C21orf58: variants seen among roughly 807,000 people sequenced by gnomAD.
C21orf58 encodes the protein chromosome 21 open reading frame 58.
In C21orf58, 34 loss-of-function variants were observed where a neutral mutation model predicts 35.8. That is an observed-to-expected ratio of 0.95 (90% confidence interval 0.72 to 1.26). The LOEUF is 1.26. Among genes scored for constraint, C21orf58 ranks in the 50% most tolerant of loss-of-function variants. The pLI, the probability that C21orf58 is intolerant of heterozygous loss-of-function variation, is 0.00. For missense variants in C21orf58, 440 were observed against 414.3 expected (o/e 1.06, Z -0.54); for synonymous variants, 191 against 175.8 (o/e 1.09, Z -0.68).
intron 5 of C21orf58, chr21:46,312,924 CT>C (rs2082805238): frequency 1.1e-6 from 1 of 889,204 alleles, no homozygotes; most frequent in Non-Finnish European, 1.3e-6. Context: ...TGAAAATGAA[CT>C]TTGGTTTCTC....
In C21orf58 at chr21:46,301,992, C is replaced by G; in HGVS notation, c.*7G>C. 6.6e-7 allele frequency: 1 copy of G among 1,522,716 alleles called. No homozygotes were observed. The allele number at this position is 1,522,716 out of a possible 1,614,324, so 94.3% of individuals were successfully genotyped here. ...GGTGCCCCGGCCAGGGTCTCTGTGA[C>G]TCACACTCAGGGTGGGCCAGGCGTC... On this transcript the variant is annotated 3_prime_UTR_variant, in exon 8 of 8. Coordinates refer to ENST00000291691, the MANE Select transcript of C21orf58 (RefSeq NM_058180.5).
intron 5 of C21orf58, 67 bp from the exon 6 acceptor site, chr21:46,311,634 CCCAT>C: frequency 3.4e-6 from 3 of 878,830 alleles, no homozygotes; most frequent in South Asian, 1.9e-5. Flanking sequence ...GTATCTACCA[CCCAT>C]CCATCCACCC....
chr21:46,317,302 G>T (rs766042567), intron 2 of C21orf58, 34 bp from the exon 3 acceptor site: 28 of 1,603,862 alleles, frequency 1.7e-5, no homozygotes, highest in Middle Eastern at 3.3e-4. Flanking sequence ...AGAGACGGTG[G>T]CTCCACGCAA....
chr21:46,302,184 G>T, intron 7 of C21orf58, 30 bp from the exon 8 acceptor site: 1 of 1,444,322 alleles, frequency 6.9e-7, no homozygotes, highest in Non-Finnish European at 9.1e-7. Flanking sequence ...TGCTTAGGAC[G>T]CAGCCCAGGC....
rs190655683 is a variant in C21orf58, at chr21:46,301,643, G to A, written c.*356C>T. On this transcript the variant is annotated 3_prime_UTR_variant, in exon 8 of 8. Transcript: ENST00000291691. The stretch of plus-strand genomic sequence containing the variant: ...ATCTTTATTTCATCAGGCTGGTGGC[G>A]TCCACGGCCTCAACTTTACCTCCGT... 491 of 1,084,258 alleles carry A rather than the reference G, an allele frequency of 4.5e-4. 1 individual carries two copies. The highest frequency in any genetic ancestry group is 9.7e-4 in the East Asian group (17 of 17,444). 67.2% of individuals were successfully genotyped at this position (1,084,258 alleles called of 1,614,324 possible).
chr21:46,311,652 C>T (rs2082696346), intron 5 of C21orf58, 85 bp from the exon 6 acceptor site: 8 of 709,084 alleles, frequency 1.1e-5, no homozygotes, highest in Non-Finnish European at 1.8e-5. Context: ...TCCACCCACC[C>T]ATCCAACCAA....
chr21:46,322,005 G>A (rs1425464839), intron 1 of C21orf58, among the ~76,000 whole-genome samples: 1 of 145,770 alleles, frequency 6.9e-6, no homozygotes, highest in African/African-American at 2.5e-5. Context: ...AAAATGAATT[G>A]AGGCTGGGCG....
intron 6 of C21orf58, among the ~76,000 whole-genome samples, chr21:46,310,482 C>CAAAAAA (rs1569126386): frequency 7.9e-6 from 1 of 126,746 alleles, no homozygotes; most frequent in African/African-American, 3.8e-5. Context: ...TGTCTCAGAA[C>CAAAAAA]AAAAAAAATA....
At chr21:46,318,921 C>G (rs1040663738) in intron 1 of C21orf58, 1 of 924,318 alleles carries the variant, frequency 1.1e-6, no homozygotes, top group African/African-American at 1.8e-5. Flanking sequence ...CACTAGCAGG[C>G]AGACTGACAT....
At chr21:46,315,927 G>A (rs754981883) in intron 3 of C21orf58, among the ~76,000 whole-genome samples, 2 of 152,164 alleles carry the variant, frequency 1.3e-5, no homozygotes, top group Non-Finnish European at 2.9e-5. Context: ...GCCACCTGGA[G>A]CCACCCTCTG....
chr21:46,318,524 C>A, intron 1 of C21orf58: 1 of 1,280,754 alleles, frequency 7.8e-7, no homozygotes. Context: ...AGGACCCAGT[C>A]CAGAAGAACC....
chr21:46,302,576 T>G lies in C21orf58; in HGVS notation c.722A>C (p.Asp241Ala). 1 of 1,610,320 alleles carries G rather than the reference T, an allele frequency of 6.2e-7. No homozygotes were observed. The highest frequency in any genetic ancestry group is 8.5e-7 in the Non-Finnish European group (1 of 1,178,188). The change falls in exon 7 of 8, where the codon GAC becomes GCC. Residue 241 changes from aspartate (D) to alanine (A), a missense_variant and splice_region_variant. Physicochemically the swap from Asp to Ala is moderately radical, Grantham distance 126. Transcript: ENST00000291691. ...CTGCAGCAGCAGCAGCTCCACCATG[T>G]CTGCAGGGAAGAAGCAGGGGGACCC... ...PTQRSGSIKE[D>A]MVELLLLQNA...
chr21:46,317,141 G>A, intron 3 of C21orf58, 67 bp downstream of exon 3: 1 of 1,439,102 alleles, frequency 6.9e-7, no homozygotes, highest in Non-Finnish European at 9.6e-7. Flanking sequence ...CCCTGGAGGT[G>A]GCTCCCCCTG....
rs781307363 is a variant in C21orf58, at chr21:46,322,750, C to T, written c.-12G>A. 4 of 1,465,398 alleles carry T rather than the reference C, an allele frequency of 2.7e-6. No homozygotes were observed. The East Asian group carries it at 7.8e-5, about 28-fold the overall frequency. The allele number at this position is 1,465,398 out of a possible 1,614,324, so 90.8% of individuals were successfully genotyped here. A position where few individuals can be genotyped will look rare whatever the true frequency, so the allele number is the denominator to read the frequency against. On this transcript the variant is annotated 5_prime_UTR_variant, in exon 1 of 8. Transcript: ENST00000291691. ...CGAGATCGCGCCATTGCGCTATAGC[C>T]TGGGCGTCGCAGCGAGACTGTCTCA...
At chr21:46,305,009 A>G (rs565229807) in intron 6 of C21orf58, among the ~76,000 whole-genome samples, 3 of 152,266 alleles carry the variant, frequency 2.0e-5, no homozygotes, top group South Asian at 4.2e-4. Context: ...AGTCAGACTC[A>G]TAGAAACAGA....
intron 3 of C21orf58, 128 bp from the exon 4 acceptor site, chr21:46,315,675 C>G (rs1475598964): frequency 1.5e-6 from 1 of 684,586 alleles, no homozygotes; most frequent in Non-Finnish European, 2.7e-6. Flanking sequence ...ATGGGGGAGG[C>G]CTGGGAGGAT....
At position 46,313,056 on chromosome 21, in the gene C21orf58, G is replaced by A. The variant is rs74949149; in HGVS notation, c.610-1489C>T. ...TTCTTCCTCAGTTCACAGAAAGGAC[G>A]GCAGAGACCAAGAGTTGGCAAACTT... On this transcript the variant is annotated intron_variant, in intron 5 of 7. Transcript: ENST00000291691. 7.5e-5 allele frequency: 74 copies of A among 985,420 alleles called. 1 individual carries two copies. The East Asian group carries it at 6.5e-3, about 86-fold the overall frequency. 61.0% of individuals were successfully genotyped at this position (985,420 alleles called of 1,614,324 possible). A position where few individuals can be genotyped will look rare whatever the true frequency, so the allele number is the denominator to read the frequency against.
intron 6 of C21orf58, among the ~76,000 whole-genome samples, chr21:46,302,923 A>G (rs1016939137): frequency 4.4e-5 from 6 of 136,542 alleles, no homozygotes; most frequent in Non-Finnish European, 7.9e-5. Context: ...CCGTCTGCAC[A>G]CGGTGCGGGT....
chr21:46,318,772 G>T, intron 1 of C21orf58: 2 of 990,904 alleles, frequency 2.0e-6, no homozygotes, highest in Non-Finnish European at 2.4e-6. Flanking sequence ...GGTGCCCAGG[G>T]GATATGTCCC....
Sources: gnomAD v4.1 joint callset for allele counts (sites outside exome capture counted in the v4.1 genomes callset) on GRCh38, gnomAD v4.1.1 for gene constraint, MANE v1.5 for transcripts, NCBI Gene and HGNC (gene_info 2026-07-23, HGNC 2026-07-21) for gene names.